CCDC7: variants seen among roughly 807,000 people sequenced by gnomAD.
The protein encoded by CCDC7 is coiled-coil domain-containing protein 7.
Under a neutral mutation model 196.9 loss-of-function variants are expected in CCDC7, and 183 were observed. That is an observed-to-expected ratio of 0.93 (90% CI 0.82 to 1.05). The LOEUF (loss-of-function observed/expected upper bound fraction) is 1.05, where lower values mean the gene tolerates loss of function less well. CCDC7 is among the 50% of genes least tolerant of loss of function. The pLI, the probability that CCDC7 is intolerant of heterozygous loss-of-function variation, is 0.00. For synonymous variants in CCDC7, 525 were observed against 484.6 expected, an observed-to-expected ratio of 1.08 and a Z score of -1.10; for missense variants, 1,540 against 1,482.2, an observed-to-expected ratio of 1.04 and a Z score of -0.64.
chr10:32,571,765 TAA>T (rs929909507), intron 15 of CCDC7, 92 bp from the exon 17 acceptor site: 29 of 1,208,540 alleles, frequency 2.4e-5, no homozygotes, highest in Non-Finnish European at 4.4e-6. Flanking sequence ...ATTGTCATAT[TAA>T]AAAACTACCT....
At chr10:32,715,750 A>C (rs2081475733) in intron 25 of CCDC7, among the ~76,000 whole-genome samples, 1 of 152,234 alleles carries the variant, frequency 6.6e-6, no homozygotes, top group Non-Finnish European at 1.5e-5. Flanking sequence ...AACTTTGTGA[A>C]GCATACACAA....
intron 25 of CCDC7, among the ~76,000 whole-genome samples, chr10:32,725,829 A>G (rs925233828): frequency 1.3e-5 from 2 of 152,144 alleles, no homozygotes; most frequent in Non-Finnish European, 2.9e-5. Context: ...CCCATGACCC[A>G]AACACCTCCC....
At chr10:32,606,605 G>C (rs780358544) in intron 18 of CCDC7, among the ~76,000 whole-genome samples, 7 of 152,218 alleles carry the variant, frequency 4.6e-5, no homozygotes, top group Non-Finnish European at 8.8e-5. Context: ...TTGGGACATG[G>C]AGTCAAAGGA....
intron 24 of CCDC7, among the ~76,000 whole-genome samples, chr10:32,696,469 G>C (rs928917738): frequency 6.7e-6 from 1 of 150,244 alleles, no homozygotes; most frequent in Admixed American, 6.6e-5. Flanking sequence ...CCATGTCATA[G>C]TCTTGTTTTC....
chr10:32,662,718 C>A (rs1206944558), intron 20 of CCDC7, among the ~76,000 whole-genome samples: 1 of 152,130 alleles, frequency 6.6e-6, no homozygotes, highest in Non-Finnish European at 1.5e-5. Flanking sequence ...GCAGTAGGTT[C>A]TTTTGTCTGG....
chr10:32,693,383 T>C lies in CCDC7; in HGVS notation c.2345-1496T>C, dbSNP rs573145857. Among the ~76,000 whole-genome samples the C allele has an allele frequency of 2.0e-5, 3 of 152,306 alleles. No homozygotes were observed. In the South Asian group the frequency reaches 6.2e-4, roughly 32 times the overall value. ...TTCTTTTTGTAAAGATAACTATCTC[T>C]CTATTTCCTTCTCTATTTTTTTTCT... On this transcript the variant is annotated intron_variant, in intron 23 of 41. Transcript: ENST00000639629.
At chr10:32,804,964 C>G (rs750123929) in intron 29 of CCDC7, 51 bp from the exon 31 acceptor site, 2 of 1,101,316 alleles carry the variant, frequency 1.8e-6, no homozygotes, top group South Asian at 2.6e-5. Context: ...CCTCACATTC[C>G]TATGTAAGGA....
intron 8 of CCDC7, among the ~76,000 whole-genome samples, chr10:32,475,019 C>T (rs2038705739): frequency 6.6e-6 from 1 of 152,170 alleles, no homozygotes; most frequent in African/African-American, 2.4e-5. Flanking sequence ...TTGAAGAGAG[C>T]TCTGACTGAC....
intron 8 of CCDC7, among the ~76,000 whole-genome samples, chr10:32,489,595 G>A (rs1334437225): frequency 1.3e-5 from 2 of 152,212 alleles, no homozygotes; most frequent in African/African-American, 2.4e-5. Context: ...GGACTGGAGT[G>A]TGAACACATG....
intron 31 of CCDC7, among the ~76,000 whole-genome samples, chr10:32,821,552 G>T (rs1483527227): frequency 5.3e-5 from 8 of 152,074 alleles, no homozygotes; most frequent in Non-Finnish European, 1.2e-4. Context: ...GCAAAGACTT[G>T]GAACCAACCC....
intron 9 of CCDC7, among the ~76,000 whole-genome samples, chr10:32,507,918 C>G (rs1048169026): frequency 1.3e-5 from 2 of 152,126 alleles, no homozygotes; most frequent in African/African-American, 4.8e-5. Flanking sequence ...TAACATTACA[C>G]TCAGTGGTGA....
chr10:32,880,409 A>G (rs1302630094), downstream of CCDC7, among the ~76,000 whole-genome samples: 4 of 151,888 alleles, frequency 2.6e-5, no homozygotes, highest in South Asian at 8.3e-4. Context: ...TTTTCTTTAA[A>G]TTTGTTTAAG....
chr10:32,734,112 T>A (rs1453358010), intron 28 of CCDC7, among the ~76,000 whole-genome samples: 3 of 152,122 alleles, frequency 2.0e-5, no homozygotes, highest in Admixed American at 6.6e-5. Context: ...TATTCTACCA[T>A]AAACATACAT....
In CCDC7 at chr10:32,515,552, A is replaced by AT. The variant is rs959649962; in HGVS notation, c.873-2384dup. ...GGCTGGATTACTTATTTTTATTTTT[A>AT]TTTTTTTTTGAGGTGAAGTCTCGCT... is the stretch of plus-strand genomic sequence containing the variant. On this transcript the variant is annotated intron_variant, in intron 9 of 41. Coordinates refer to ENST00000639629, the Ensembl canonical transcript of CCDC7. 1.6e-4 allele frequency among the ~76,000 whole-genome samples: 24 copies of AT among 151,096 alleles called. 1 individual carries two copies. The highest frequency in any genetic ancestry group is 3.4e-3 in the Middle Eastern group (1 of 294).
At chr10:32,716,034 A>G (rs1402689076) in intron 25 of CCDC7, among the ~76,000 whole-genome samples, 1 of 152,204 alleles carries the variant, frequency 6.6e-6, no homozygotes, top group Non-Finnish European at 1.5e-5. Context: ...CAATATTCAA[A>G]TTCAGGAAAT....
chr10:32,676,774 A>T (rs956867020), intron 21 of CCDC7, among the ~76,000 whole-genome samples: 3 of 152,120 alleles, frequency 2.0e-5, no homozygotes, highest in African/African-American at 7.2e-5. Context: ...TGTTGGTGGG[A>T]CTGTAAACTA....
intron 9 of CCDC7, among the ~76,000 whole-genome samples, chr10:32,493,559 T>C (rs952187559): frequency 3.3e-5 from 5 of 151,844 alleles, no homozygotes. Flanking sequence ...TACTCAGAAA[T>C]GGAATTTTTT....
At chr10:32,491,576 A>C (rs2042159786) in intron 8 of CCDC7, among the ~76,000 whole-genome samples, 1 of 152,176 alleles carries the variant, frequency 6.6e-6, no homozygotes. Flanking sequence ...AGAAGGTCAC[A>C]TATGTTGGAC....
At chr10:32,806,365 CAGA>C (rs942859652) in intron 30 of CCDC7, among the ~76,000 whole-genome samples, 2 of 152,000 alleles carry the variant, frequency 1.3e-5, no homozygotes, top group African/African-American at 4.8e-5. Flanking sequence ...GACCCATACA[CAGA>C]AGAAGAGCAG....
Sources: allele counts gnomAD v4.1 joint callset (sites outside exome capture counted in the v4.1 genomes callset), GRCh38; gene constraint gnomAD v4.1.1; transcripts MANE v1.5; gene names NCBI Gene and HGNC (gene_info 2026-07-23, HGNC 2026-07-21).